PDE1B: variants seen among roughly 807,000 people sequenced by gnomAD.
PDE1B encodes the protein phosphodiesterase 1B.
PDE1B carries 13 observed loss-of-function variants against 66.7 expected under a neutral mutation model. The observed-to-expected ratio is 0.19, with a 90% CI of 0.13 to 0.31. The LOEUF (loss-of-function observed/expected upper bound fraction) is 0.31. PDE1B is among the 10% of genes least tolerant of loss of function. The pLI is 1.00. For synonymous variants in PDE1B, 230 were observed against 253.9 expected (o/e 0.91, Z 0.90); for missense variants, 485 against 682.3 (o/e 0.71, Z 3.22).
intron 2 of PDE1B, chr12:54,550,336 G>T: frequency 1.3e-6 from 1 of 777,724 alleles, no homozygotes; most frequent in Non-Finnish European, 1.7e-6. Flanking sequence ...ATATCCATGT[G>T]CAGAGTTGTG....
In PDE1B at chr12:54,578,346, GT is replaced by G. The variant is rs1957804119; in HGVS notation, c.*508del. 6.6e-6 allele frequency: 1 copy of G among 152,340 alleles called. No homozygotes were observed. The highest frequency in any genetic ancestry group is 1.9e-4 in the East Asian group (1 of 5,174). The allele number at this position is 152,340 out of a possible 1,614,324, so 9.4% of individuals were successfully genotyped here. On this transcript the variant is annotated 3_prime_UTR_variant, in exon 16 of 16. Coordinates refer to ENST00000243052, the MANE Select transcript of PDE1B (RefSeq NM_000924.4). ...GCTGGAATAGGATAGAAAGCTGGGGGTTTTCAGAGCCCTATGTGTGGGGAGG... is the reference window on the plus strand; with the variant it reads ...GCTGGAATAGGATAGAAAGCTGGGGGTTTCAGAGCCCTATGTGTGGGGAGG...
intron 2 of PDE1B, among the ~76,000 whole-genome samples, chr12:54,555,181 T>C (rs1249555859): frequency 6.6e-6 from 1 of 152,174 alleles, no homozygotes; most frequent in African/African-American, 2.4e-5. Context: ...TGGAAGTGGA[T>C]GGAGCAATTG....
intron 2 of PDE1B, chr12:54,561,409 ACT>A: frequency 8.0e-7 from 1 of 1,257,694 alleles, no homozygotes; most frequent in Non-Finnish European, 1.0e-6. Context: ...CTGCCTCCCC[ACT>A]CTCTTCTTCC....
chr12:54,575,376 T>A lies in PDE1B; in HGVS notation c.1185+158T>A. 1.3e-6 allele frequency: 1 copy of A among 778,948 alleles called. No homozygotes were observed. The allele number at this position is 778,948 out of a possible 1,614,324, so 48.3% of individuals were successfully genotyped here. A position where few individuals can be genotyped will look rare whatever the true frequency, so the allele number is the denominator to read the frequency against. ...GTAAAACCCCATTATCCTAAAAGCC[T>A]AACAATAGTTGCATTTCATTTGCAT... On this transcript the variant is annotated intron_variant, in intron 11 of 15. Coordinates refer to ENST00000243052, the MANE Select transcript of PDE1B (RefSeq NM_000924.4). The surrounding 1 kb of genome is among the most constrained non-coding windows in gnomAD (Gnocchi z 4.0).
At chr12:54,557,075 G>A (rs1469202475) in intron 2 of PDE1B, among the ~76,000 whole-genome samples, 2 of 152,070 alleles carry the variant, frequency 1.3e-5, no homozygotes, top group Non-Finnish European at 2.9e-5. Context: ...AACTTCTTGT[G>A]GCCTGGACTG....
rs1373893989 is a variant in PDE1B at position 54,566,982 on chromosome 12, A to G, written c.122A>G (p.Tyr41Cys). Residue 41 changes from tyrosine to cysteine, a missense_variant, in exon 3 of 16, where the codon TAC (tyrosine) becomes TGC (cysteine). Tyr to Cys is a radical substitution (Grantham distance 194). Coordinates refer to ENST00000243052, the MANE Select transcript of PDE1B (RefSeq NM_000924.4). Reference protein sequence around the residue: ...MWIKLRSLLRYMVKQLENGEI... With the variant: ...MWIKLRSLLRCMVKQLENGEI... ...GTATCTGCTCCCTGCAGGCTGCGCT[A>G]CATGGTGAAGCAGTTGGAGAATGGG... 18 of 1,606,630 alleles carry G rather than the reference A, an allele frequency of 1.1e-5. No homozygotes were observed. The highest frequency in any genetic ancestry group is 1.4e-5 in the Non-Finnish European group (17 of 1,174,224).
chr12:54,571,297 G>A (rs1292069614), intron 6 of PDE1B: 2 of 152,216 alleles, frequency 1.3e-5, no homozygotes, highest in African/African-American at 4.8e-5. Flanking sequence ...TTCCTGAGAT[G>A]CTCAGCTGAA....
chr12:54,575,131 C>T lies in PDE1B; in HGVS notation c.1098C>T (p.Leu366=). 1 of 1,613,808 alleles carries T rather than the reference C, an allele frequency of 6.2e-7. No homozygotes were observed. ...AGCCCAAGGCCCTGTCTCTACTGCT[C>T]CATGCTGCTGACATCAGCCACCCAA... ...IDKPKALSLL[L]HAADISHPTK... is the part of the protein sequence containing the mutation. The change falls in exon 11 of 16, where the codon CTC becomes CTT. Residue 366 remains leucine, a synonymous_variant. Coordinates refer to ENST00000243052, the MANE Select transcript of PDE1B (RefSeq NM_000924.4). This position sits in a 1 kb window ranked among gnomAD's most constrained non-coding sequence, Gnocchi z 4.0.
In PDE1B at chr12:54,573,006, T is replaced by C. The variant is rs1268262605; in HGVS notation, c.736-142T>C. 1 of 710,032 alleles carries C rather than the reference T, an allele frequency of 1.4e-6. No individual in the cohort carries two copies. Among genetic ancestry groups the C allele is most frequent in the Non-Finnish European group, 2.4e-6 (1 of 412,338 alleles). The allele number at this position is 710,032 out of a possible 1,614,324, so 44.0% of individuals were successfully genotyped here. On this transcript the variant is annotated intron_variant, in intron 7 of 15. Coordinates refer to ENST00000243052, the MANE Select transcript of PDE1B (RefSeq NM_000924.4). This position sits in a 1 kb window ranked among gnomAD's most constrained non-coding sequence, Gnocchi z 5.2. Reference sequence around the variant, plus strand: ...GAAGGTCCTTGGCCATTTCAGGAGCTGAGAAACCTGGCTGCATTAACCAAG... The same window carrying C: ...GAAGGTCCTTGGCCATTTCAGGAGCCGAGAAACCTGGCTGCATTAACCAAG...
intron 3 of PDE1B, among the ~76,000 whole-genome samples, chr12:54,568,003 G>A (rs942715945): frequency 6.6e-6 from 1 of 152,114 alleles, no homozygotes; most frequent in Non-Finnish European, 1.5e-5. Context: ...TTACAGGCAT[G>A]TGCCACTACG....
Position 54,573,566 on chromosome 12 carries a change from G to T in PDE1B, c.963-42G>T. On this transcript the variant is annotated intron_variant, in intron 9 of 15. Coordinates refer to ENST00000243052, the MANE Select transcript of PDE1B (RefSeq NM_000924.4). This position sits in a 1 kb window ranked among gnomAD's most constrained non-coding sequence, Gnocchi z 5.2. The stretch of plus-strand genomic sequence containing the variant: ...CACTTCCTGGACCTCCTGCCCAGCA[G>T]CGCTGAGGGGACTGATTGCTTCTCT... The T allele has an allele frequency of 6.2e-7, 1 of 1,610,612 alleles. No individual in the cohort carries two copies.
chr12:54,569,434 C>A lies in PDE1B; in HGVS notation c.410+68C>A. 1 of 1,588,194 alleles carries A rather than the reference C, an allele frequency of 6.3e-7. No homozygotes were observed. The highest frequency in any genetic ancestry group is 2.3e-5 in the East Asian group (1 of 44,436). On this transcript the variant is annotated intron_variant, in intron 4 of 15. Coordinates refer to ENST00000243052, the MANE Select transcript of PDE1B (RefSeq NM_000924.4). This position sits in a 1 kb window ranked among gnomAD's most constrained non-coding sequence, Gnocchi z 4.4. The stretch of plus-strand genomic sequence containing the variant: ...GCCCCTCTTTCCCAGCCACCCTGGT[C>A]TTCCATGACCACCAGCCATATGATC...
chr12:54,569,105 G>A lies in PDE1B; in HGVS notation c.228-79G>A. Reference sequence around the variant, plus strand: ...CTGGCATGAGAGTTACTAAATGTGGGGTATGGCTGGGTACAGGGTCTCTAG... The same window carrying A: ...CTGGCATGAGAGTTACTAAATGTGGAGTATGGCTGGGTACAGGGTCTCTAG... On this transcript the variant is annotated intron_variant, in intron 3 of 15. Coordinates refer to ENST00000243052, the MANE Select transcript of PDE1B (RefSeq NM_000924.4). The surrounding 1 kb of genome is among the most constrained non-coding windows in gnomAD (Gnocchi z 4.4). 1 of 1,495,636 alleles carries A rather than the reference G, an allele frequency of 6.7e-7. No individual in the cohort carries two copies. Among genetic ancestry groups the A allele is most frequent in the Non-Finnish European group, 8.9e-7 (1 of 1,121,776 alleles). The allele number at this position is 1,495,636 out of a possible 1,614,324, so 92.6% of individuals were successfully genotyped here.
chr12:54,561,536 C>T, intron 2 of PDE1B: 2 of 1,472,382 alleles, frequency 1.4e-6, no homozygotes, highest in South Asian at 1.3e-5. Context: ...GGCCCTGGGG[C>T]TCCTGGGGTC....
chr12:54,561,647 A>T, intron 2 of PDE1B: 1 of 1,529,432 alleles, frequency 6.5e-7, no homozygotes, highest in Non-Finnish European at 8.8e-7. Context: ...GGTAGGTGCC[A>T]GGGATGAGAA....
intron 6 of PDE1B, 77 bp from the exon 7 acceptor site, chr12:54,572,524 G>A: frequency 7.2e-7 from 1 of 1,395,550 alleles, no homozygotes. Context: ...TCTAAAGAAA[G>A]TTGTTGATCT....
At position 54,576,673 on chromosome 12, in the gene PDE1B, G is replaced by A. The variant is rs1472188497; in HGVS notation, c.1479G>A (p.Lys493=). ...GGGTCAAGCGCATTCAGGAGAATAA[G>A]CAGAAATGGAAGGAACGGGCAGCAA... ...STWVKRIQEN[K]QKWKERAASG... Residue 493 remains lysine (K), a synonymous_variant, in exon 14 of 16, where the codon AAG becomes AAA. Coordinates refer to ENST00000243052, the MANE Select transcript of PDE1B (RefSeq NM_000924.4). 2 of 1,612,448 alleles carry A rather than the reference G, an allele frequency of 1.2e-6. No individual in the cohort carries two copies. Among genetic ancestry groups the A allele is most frequent in the Admixed American group, 1.7e-5 (1 of 59,742 alleles).
In PDE1B at chr12:54,569,912, C is replaced by T. The variant is rs1425398155; in HGVS notation, c.477+300C>T. ...ATGGGGTTTCACCATGTTGGCCAGG[C>T]TGGTCTCGAACTCTTGACCTCAAGT... On this transcript the variant is annotated intron_variant, in intron 5 of 15. Coordinates refer to ENST00000243052, the MANE Select transcript of PDE1B (RefSeq NM_000924.4). This position sits in a 1 kb window ranked among gnomAD's most constrained non-coding sequence, Gnocchi z 4.4. 6.6e-6 allele frequency among the ~76,000 whole-genome samples: 1 copy of T among 152,146 alleles called. No individual in the cohort carries two copies. The highest frequency in any genetic ancestry group is 2.4e-5 in the African/African-American group (1 of 41,430).
At chr12:54,571,479 G>T (rs1426120206) in intron 6 of PDE1B, 3 of 152,166 alleles carry the variant, frequency 2.0e-5, no homozygotes, top group Non-Finnish European at 4.4e-5. Flanking sequence ...CCTAAACTCT[G>T]CCTCCTTACC....
Sources: gnomAD v4.1 joint callset for allele counts (sites outside exome capture counted in the v4.1 genomes callset) on GRCh38, gnomAD v4.1.1 for gene constraint, Gnocchi (gnomAD v3.1) non-coding constraint, MANE v1.5 for transcripts, NCBI Gene and HGNC (gene_info 2026-07-23, HGNC 2026-07-21) for gene names.